PKLR: variants seen among roughly 807,000 people sequenced by gnomAD.
PKLR encodes the protein pyruvate kinase L/R.
A neutral mutation model predicts 53.6 loss-of-function variants in PKLR; 38 were observed. The observed-to-expected ratio is 0.71, with a 90% confidence interval of 0.55 to 0.93. The LOEUF is 0.93. PKLR is among the 40% of genes least tolerant of loss of function. The pLI, the probability that PKLR is intolerant of heterozygous loss-of-function variation, is 0.00. For missense variants in PKLR, 702 were observed against 787.3 expected (o/e 0.89, Z 1.30); for synonymous variants, 328 against 316.2 (o/e 1.04, Z -0.39).
At position 155,293,121 on chromosome 1, in the gene PKLR, T is replaced by TAC; in HGVS notation, c.1436+55_1436+56insGT. 5 of 1,542,312 alleles carry TAC rather than the reference T, an allele frequency of 3.2e-6. No homozygotes were observed. Among genetic ancestry groups the TAC allele is most frequent in the Non-Finnish European group, 4.5e-6 (5 of 1,115,272 alleles). ...AGACTAAACCCAAGCCTGGGGCCCG[T>TAC]CCCAGCCCACCCCTGACCCAAAGCT... On this transcript the variant is annotated intron_variant, in intron 9 of 10. Coordinates refer to ENST00000342741, the MANE Select transcript of PKLR (RefSeq NM_000298.6). This position sits in a 1 kb window ranked among gnomAD's most constrained non-coding sequence, Gnocchi z 4.2.
At chr1:155,299,034 CTCTTTCTTTCT>C (rs1557963508) in intron 2 of PKLR, among the ~76,000 whole-genome samples, 1,595 of 60,964 alleles carry the variant, frequency 0.026, 89 homozygotes, top group African/African-American at 0.078. Context: ...TTCTTTCTTT[CTCTTTCTTTCT>C]TTCTTTCCTT....
chr1:155,300,073 G>T, intron 2 of PKLR, 25 bp downstream of exon 2: 1 of 1,603,884 alleles, frequency 6.2e-7, no homozygotes, highest in Non-Finnish European at 8.5e-7. Context: ...GCCCTGTGTG[G>T]CTGCAGGGGG....
intron 2 of PKLR, among the ~76,000 whole-genome samples, chr1:155,299,588 T>C (rs1478256799): frequency 7.5e-6 from 1 of 133,666 alleles, no homozygotes; most frequent in African/African-American, 2.9e-5. Context: ...CTCACCACAG[T>C]CTCCGCCTCC....
chr1:155,291,075 GAC>G (rs2148197090), intron 10 of PKLR, among the ~76,000 whole-genome samples: 1 of 151,340 alleles, frequency 6.6e-6, no homozygotes, highest in East Asian at 1.9e-4. Flanking sequence ...GTCATTGAGG[GAC>G]CAGGCCAGCC....
chr1:155,291,790 A>G lies in PKLR; in HGVS notation c.1584T>C (p.Asp528=). The change falls in exon 10 of 11, where the codon GAT becomes GAC. Residue 528 remains aspartate, a synonymous_variant. Transcript: ENST00000342741. ...TGCCAAATTGCACCCGGCGATCTAC[A>G]TCATCTGCCCAGATGGCTTCTGGAG... is the stretch of plus-strand genomic sequence containing the variant. ...REPPEAIWAD[D]VDRRVQFGIE... The G allele has an allele frequency of 6.8e-6, 11 of 1,614,190 alleles. No homozygotes were observed. Among genetic ancestry groups the G allele is most frequent in the Non-Finnish European group, 9.3e-6 (11 of 1,180,026 alleles).
rs1408937465 is a variant in PKLR, at chr1:155,293,326, C to T, written c.1287G>A (p.Glu429=). ...KMQHAIAREA[E]AAVYHRQLFE... is the part of the protein sequence containing the mutation. ...ACAGCTGCCGGTGGTACACTGCGGC[C>T]TCTGCCTCCCGGGCAATCTGCAGGT... Residue 429 remains glutamate, a synonymous_variant, in exon 9 of 11, where the codon GAG becomes GAA. Coordinates refer to ENST00000342741, the MANE Select transcript of PKLR (RefSeq NM_000298.6). The surrounding 1 kb of genome is among the most constrained non-coding windows in gnomAD (Gnocchi z 4.2). The T allele has an allele frequency of 5.0e-6, 8 of 1,614,254 alleles. No individual in the cohort carries two copies. The highest frequency in any genetic ancestry group is 6.8e-6 in the Non-Finnish European group (8 of 1,180,044).
At position 155,291,905 on chromosome 1, in the gene PKLR, C is replaced by A. The variant is rs746257586; in HGVS notation, c.1469G>T (p.Arg490Leu). ...SAQLLSRYRP[R>L]AAVIAVTRSA... is the part of the protein sequence containing the mutation. ...GCGGGTGACAGCAATGACTGCTGCC[C>A]GAGGTCGGTACCGAGACAGAAGCTG... Residue 490 changes from arginine to leucine, a missense_variant, in exon 10 of 11, where the codon CGG (arginine) becomes CTG (leucine). Transcript: ENST00000342741. The A allele has an allele frequency of 1.2e-6, 2 of 1,613,594 alleles. No homozygotes were observed. Among genetic ancestry groups the A allele is most frequent in the East Asian group, 2.2e-5 (1 of 44,882 alleles).
At position 155,293,522 on chromosome 1, in the gene PKLR, C is replaced by T; in HGVS notation, c.1185G>A (p.Val395=). Residue 395 remains valine (V), a synonymous_variant, in exon 8 of 11, where the codon GTG becomes GTA. Transcript: ENST00000342741. This position sits in a 1 kb window ranked among gnomAD's most constrained non-coding sequence, Gnocchi z 4.2. The stretch of plus-strand genomic sequence containing the variant: ...GCATGATGCAGTCAGCCCCATCCAG[C>T]ACAGCATTGGCGACATCGCTTGTCT... The part of the protein sequence containing the change: ...RAETSDVANA[V]LDGADCIMLS... 1 of 1,614,260 alleles carries T rather than the reference C, an allele frequency of 6.2e-7. No individual in the cohort carries two copies. Among genetic ancestry groups the T allele is most frequent in the South Asian group, 1.1e-5 (1 of 91,090 alleles).
At chr1:155,296,928 A>G (rs187647651) in intron 2 of PKLR, among the ~76,000 whole-genome samples, 1 of 152,106 alleles carries the variant, frequency 6.6e-6, no homozygotes, top group East Asian at 1.9e-4. Context: ...GCTCCATGTA[A>G]TGCTCAATGC....
Position 155,290,473 on chromosome 1 carries a change from T to G in PKLR, c.*99A>C, listed in dbSNP as rs1399894730. 6.7e-6 allele frequency: 5 copies of G among 748,562 alleles called. No homozygotes were observed. The highest frequency in any genetic ancestry group is 9.6e-6 in the Non-Finnish European group (4 of 417,798). The allele number at this position is 748,562 out of a possible 1,614,324, so 46.4% of individuals were successfully genotyped here. ...GGTCAGGAATAGAGAAGAGAGGACT[T>G]AAAGGTGGGGCTTTGGAGGGGTGTG... On this transcript the variant is annotated 3_prime_UTR_variant, in exon 11 of 11. Transcript: ENST00000342741.
intron 5 of PKLR, 137 bp from the exon 6 acceptor site, chr1:155,294,889 C>A: frequency 1.6e-6 from 2 of 1,234,004 alleles, no homozygotes; most frequent in Non-Finnish European, 2.3e-6. Flanking sequence ...TTCTGGGCTT[C>A]GCCCGGAAGA....
At chr1:155,306,622 C>T in the PKLR span, among the ~76,000 whole-genome samples, 1 of 152,140 alleles carries the variant, frequency 6.6e-6, no homozygotes, top group Non-Finnish European at 1.5e-5. The surrounding 1 kb of genome is among the most constrained non-coding windows in gnomAD (Gnocchi z 4.2). Context: ...CGTAAACATA[C>T]ACAAAGCTCC....
upstream of PKLR, among the ~76,000 whole-genome samples, chr1:155,301,906 G>T (rs1648020624): frequency 6.6e-6 from 1 of 150,440 alleles, no homozygotes. Context: ...AACCCAAGAT[G>T]GTACCTTGAA....
At position 155,294,404 on chromosome 1, in the gene PKLR, C is replaced by G. The variant is rs1187770740; in HGVS notation, c.966-19G>C. 1 of 1,614,194 alleles carries G rather than the reference C, an allele frequency of 6.2e-7. No individual in the cohort carries two copies. The highest frequency in any genetic ancestry group is 1.7e-5 in the Admixed American group (1 of 60,018). On this transcript the variant is annotated intron_variant, in intron 6 of 10. Coordinates refer to ENST00000342741, the MANE Select transcript of PKLR (RefSeq NM_000298.6). Reference sequence around the variant, plus strand: ...ATCAAACCTGAGAGGTTGGGAGAATCAAGGCAGAGGCAGGCAGGAGAAGAA... The same window carrying G: ...ATCAAACCTGAGAGGTTGGGAGAATGAAGGCAGAGGCAGGCAGGAGAAGAA...
At position 155,294,342 on chromosome 1, in the gene PKLR, G is replaced by T. The variant is rs748376799; in HGVS notation, c.1009C>A (p.Arg337=). Residue 337 remains arginine, a synonymous_variant, in exon 7 of 11, where the codon CGG becomes AGG. Transcript: ENST00000342741. ...LEVSDGIMVA[R]GDLGIEIPAE... is the part of the protein sequence containing the mutation. ...GGGATCTCGATGCCTAGGTCCCCCC[G>T]TGCCACCATGATGCCGTCGCTCACC... is the stretch of plus-strand genomic sequence containing the variant. The T allele has an allele frequency of 6.2e-7, 1 of 1,614,038 alleles. No individual in the cohort carries two copies. Among genetic ancestry groups the T allele is most frequent in the East Asian group, 2.2e-5 (1 of 44,868 alleles).
chr1:155,296,796 T>C (rs2148210575), intron 2 of PKLR, among the ~76,000 whole-genome samples: 1 of 152,310 alleles, frequency 6.6e-6, no homozygotes, highest in Non-Finnish European at 1.5e-5. Context: ...AAGAGTTATC[T>C]GTACTTGCTA....
the PKLR span, among the ~76,000 whole-genome samples, chr1:155,307,055 C>T: frequency 6.6e-6 from 1 of 152,180 alleles, no homozygotes; most frequent in African/African-American, 2.4e-5. Context: ...GCTGGCACTA[C>T]AGGTGTGCGC....
Position 155,293,247 on chromosome 1 carries a change from C to T in PKLR, c.1366G>A (p.Ala456Thr), listed in dbSNP as rs756864028. ...AAGGCAGCCTCCACAGCACCAATGG[C>T]GGTGACCTCAGTGGGATCACGGCTT... Reference protein sequence around the residue: ...PLSRDPTEVTAIGAVEAAFKC... With the variant: ...PLSRDPTEVTTIGAVEAAFKC... Residue 456 changes from alanine to threonine, a missense_variant, in exon 9 of 11, where the codon GCC (alanine) becomes ACC (threonine). Transcript: ENST00000342741. The surrounding 1 kb of genome is among the most constrained non-coding windows in gnomAD (Gnocchi z 4.2). The T allele has an allele frequency of 1.2e-5, 19 of 1,614,192 alleles. No homozygotes were observed. Among genetic ancestry groups the T allele is most frequent in the Admixed American group, 1.7e-5 (1 of 60,020 alleles).
At chr1:155,292,742 T>G (rs931973474) in intron 9 of PKLR, among the ~76,000 whole-genome samples, 2 of 152,172 alleles carry the variant, frequency 1.3e-5, no homozygotes, top group East Asian at 1.9e-4. Flanking sequence ...TTAAGTACTA[T>G]CTAGTACTTA....
Sources: allele counts gnomAD v4.1 joint callset (sites outside exome capture counted in the v4.1 genomes callset), GRCh38; gene constraint gnomAD v4.1.1; non-coding constraint Gnocchi (gnomAD v3.1); transcripts MANE v1.5; gene names NCBI Gene and HGNC (gene_info 2026-07-23, HGNC 2026-07-21).